Variants in DUS2 observed in about 807,000 individuals in gnomAD.
The protein encoded by DUS2 is dihydrouridine synthase 2, also known as tRNA-dihydrouridine(20) synthase [NAD(P)+]-like.
A neutral mutation model predicts 71.3 loss-of-function variants in DUS2; 52 were observed. The observed-to-expected ratio is 0.73, with a 90% confidence interval of 0.58 to 0.92. The LOEUF is 0.92. DUS2 is among the 40% of genes least tolerant of loss of function. DUS2 has a pLI of 0.00. For missense variants in DUS2, 558 were observed against 622.6 expected (o/e 0.90, Z 1.10); for synonymous variants, 204 against 227.8 (o/e 0.90, Z 0.94).
chr16:68,039,232 G>T (rs1043506773), intron 3 of DUS2, among the ~76,000 whole-genome samples: 1 of 151,978 alleles, frequency 6.6e-6, no homozygotes, highest in African/African-American at 2.4e-5. Context: ...TGTCAGGGAA[G>T]GCAAAAGTCA....
At chr16:68,042,280 G>T (rs2033636125) in intron 3 of DUS2, among the ~76,000 whole-genome samples, 1 of 152,096 alleles carries the variant, frequency 6.6e-6, no homozygotes, top group African/African-American at 2.4e-5. Flanking sequence ...TGGCCATTGG[G>T]TTGCTTCTAT....
intron 2 of DUS2, among the ~76,000 whole-genome samples, chr16:68,027,400 G>A (rs1377666279): frequency 2.0e-5 from 3 of 152,240 alleles, no homozygotes; most frequent in Middle Eastern, 6.8e-3. Flanking sequence ...CACCACACCC[G>A]GCTAATTTTG....
intron 4 of DUS2, among the ~76,000 whole-genome samples, 158 bp from the exon 5 acceptor site, chr16:68,053,406 C>G (rs2033808192): frequency 6.6e-6 from 1 of 152,218 alleles, no homozygotes; most frequent in Non-Finnish European, 1.5e-5. Flanking sequence ...ATCACAGAAG[C>G]CTCCCATGTG....
chr16:68,062,718 C>CAAAA (rs552579994), intron 8 of DUS2, among the ~76,000 whole-genome samples: 577 of 48,660 alleles, frequency 0.012, 17 homozygotes, highest in African/African-American at 0.045. Context: ...GACTCCGTCT[C>CAAAA]AAAAAAAAAA....
chr16:68,038,914 A>G (rs1008550009), intron 3 of DUS2, among the ~76,000 whole-genome samples: 6 of 151,216 alleles, frequency 4.0e-5, no homozygotes, highest in Non-Finnish European at 1.5e-5. Flanking sequence ...ATTAAAAAAA[A>G]TAAGCCTGGT....
intron 3 of DUS2, among the ~76,000 whole-genome samples, chr16:68,041,907 G>T (rs1768268908): frequency 6.7e-6 from 1 of 148,494 alleles, no homozygotes; most frequent in East Asian, 2.0e-4. Flanking sequence ...TTAACCATTT[G>T]TAAGTGTACT....
Position 68,035,921 on chromosome 16 carries a change from T to C in DUS2, c.-18-2085T>C, listed in dbSNP as rs931952807. ...ATATATATATATATATATATATATA[T>C]ATATATATACACACATACATACACA... On this transcript the variant is annotated intron_variant, in intron 2 of 16. Transcript: ENST00000565263. Among the ~76,000 whole-genome samples the C allele has an allele frequency of 9.2e-5, 9 of 97,860 alleles. No individual in the cohort carries two copies. In the South Asian group the frequency reaches 9.5e-4, roughly 10 times the overall value. The allele number at this position is 97,860 out of a possible 152,430, so 64.2% of individuals were successfully genotyped here.
chr16:68,053,579 T>C lies in DUS2; in HGVS notation c.188T>C (p.Val63Ala). The C allele has an allele frequency of 6.2e-7, 1 of 1,614,256 alleles. No homozygotes were observed. Among genetic ancestry groups the C allele is most frequent in the Non-Finnish European group, 8.5e-7 (1 of 1,180,044 alleles). Residue 63 changes from valine (V) to alanine (A), a missense_variant, in exon 5 of 17, where the codon GTG becomes GCG. Val to Ala is a moderately conservative substitution (Grantham distance 64, BLOSUM62 0). Transcript: ENST00000565263. ...TTTCTTGCAGAGGTGCTCAGCACAGTGGACTTTGTCGCCCCTGATGATCGA... is the reference window on the plus strand; with the variant it reads ...TTTCTTGCAGAGGTGCTCAGCACAGCGGACTTTGTCGCCCCTGATGATCGA... ...KRVVNEVLST[V>A]DFVAPDDRVV...
In DUS2 at chr16:68,023,305, G is replaced by A; in HGVS notation, c.-145G>A. On this transcript the variant is annotated 5_prime_UTR_variant, in exon 1 of 17. Transcript: ENST00000565263. ...GCTCAGTACGGTGTGTGGAGCTGGA[G>A]CACCGTGAGGAAGAAGCGAGGTTCT... The A allele has an allele frequency of 7.5e-7, 1 of 1,328,092 alleles. No homozygotes were observed. The highest frequency in any genetic ancestry group is 1.0e-6 in the Non-Finnish European group (1 of 981,262). 82.3% of individuals were successfully genotyped at this position (1,328,092 alleles called of 1,614,324 possible). A position where few individuals can be genotyped will look rare whatever the true frequency, so the allele number is the denominator to read the frequency against.
chr16:68,067,037 C>A (rs1164213853), intron 10 of DUS2, among the ~76,000 whole-genome samples: 1 of 108,346 alleles, frequency 9.2e-6, no homozygotes, highest in Non-Finnish European at 1.8e-5. Context: ...CTCCCTCCCT[C>A]CCTTCCTTCC....
chr16:68,066,610 C>T lies in DUS2; in HGVS notation c.528C>T (p.Gly176=). Reference sequence around the variant, plus strand: ...TTGTGAAGCGGATAGAGAGGACTGGCATTGCTGCCATCGCAGTTCATGGGA... The same window carrying T: ...TTGTGAAGCGGATAGAGAGGACTGGTATTGCTGCCATCGCAGTTCATGGGA... ...LSLVKRIERT[G]IAAIAVHGRK... The change falls in exon 10 of 17, where the codon GGC becomes GGT. Residue 176 remains glycine, a synonymous_variant. Coordinates refer to ENST00000565263, the MANE Select transcript of DUS2 (RefSeq NM_017803.5). The T allele has an allele frequency of 6.2e-7, 1 of 1,614,166 alleles. No individual in the cohort carries two copies. Among genetic ancestry groups the T allele is most frequent in the Non-Finnish European group, 8.5e-7 (1 of 1,179,992 alleles).
intron 3 of DUS2, among the ~76,000 whole-genome samples, chr16:68,041,793 A>G (rs781137106): frequency 7.4e-5 from 11 of 149,484 alleles, no homozygotes; most frequent in Non-Finnish European, 1.3e-4. Context: ...CTGGGTGACA[A>G]GAGCAAAACT....
chr16:68,027,300 A>G (rs1293579323), intron 2 of DUS2, among the ~76,000 whole-genome samples: 2 of 150,278 alleles, frequency 1.3e-5, no homozygotes, highest in East Asian at 1.9e-4. Context: ...GTGCAGTGGC[A>G]TGATCTCAGC....
chr16:68,063,659 C>T (rs1397425714), intron 8 of DUS2, among the ~76,000 whole-genome samples: 1 of 152,134 alleles, frequency 6.6e-6, no homozygotes, highest in Non-Finnish European at 1.5e-5. Flanking sequence ...GAGAAAGCTT[C>T]TACCAGGTAA....
intron 10 of DUS2, among the ~76,000 whole-genome samples, chr16:68,069,636 G>A (rs547401591): frequency 6.6e-6 from 1 of 152,180 alleles, no homozygotes; most frequent in South Asian, 2.1e-4. Context: ...TGGGTGCGGG[G>A]CCTACCCTGT....
chr16:68,053,411 C>T (rs1215075449), intron 4 of DUS2, among the ~76,000 whole-genome samples, 153 bp from the exon 5 acceptor site: 1 of 152,212 alleles, frequency 6.6e-6, no homozygotes, highest in East Asian at 1.9e-4. Context: ...AGAAGCCTCC[C>T]ATGTGCATAG....
chr16:68,070,202 C>G lies in DUS2; in HGVS notation c.623C>G (p.Ser208Cys), dbSNP rs1413030183. 5.6e-6 allele frequency: 9 copies of G among 1,614,158 alleles called. No homozygotes were observed. Among genetic ancestry groups the G allele is most frequent in the Non-Finnish European group, 7.6e-6 (9 of 1,180,002 alleles). The stretch of plus-strand genomic sequence containing the variant: ...ATCAAAGCCATTGCTGATACCCTCT[C>G]CATTCCTGTCATAGCCAAGTAAGCC... ...EVIKAIADTL[S>C]IPVIANGGSH... is the part of the protein sequence containing the mutation. Residue 208 changes from serine (S) to cysteine (C), a missense_variant, in exon 11 of 17, where the codon TCC (serine) becomes TGC (cysteine). Transcript: ENST00000565263.
In DUS2 at chr16:68,057,048, TTA is replaced by T. The variant is rs540768989; in HGVS notation, c.369+634_369+635del. ...ACATATAAATATATGTAATATATAT[TTA>T]TATATATATGTAATATATATGTTAT... On this transcript the variant is annotated intron_variant, in intron 7 of 16. Transcript: ENST00000565263. Among the ~76,000 whole-genome samples, 725 of 129,404 alleles carry T rather than the reference TTA, an allele frequency of 5.6e-3. 4 individuals carry two copies. The highest frequency in any genetic ancestry group is 0.012 in the Middle Eastern group (3 of 248). The allele number at this position is 129,404 out of a possible 152,430, so 84.9% of individuals were successfully genotyped here. A position where few individuals can be genotyped will look rare whatever the true frequency, so the allele number is the denominator to read the frequency against.
In DUS2 at chr16:68,034,460, C is replaced by T. The variant is rs564739494; in HGVS notation, c.-18-3546C>T. On this transcript the variant is annotated intron_variant, in intron 2 of 16. Transcript: ENST00000565263. Reference sequence around the variant, plus strand: ...GTTGAACTCATGGCCTCAAGCAATCCGCCCACCTCAGCCTCCCAAGTAACC... The same window carrying T: ...GTTGAACTCATGGCCTCAAGCAATCTGCCCACCTCAGCCTCCCAAGTAACC... Among the ~76,000 whole-genome samples the T allele has an allele frequency of 3.0e-3, 462 of 152,054 alleles. 1 individual carries two copies. The highest frequency in any genetic ancestry group is 0.011 in the African/African-American group (448 of 41,478).
Sources: allele counts gnomAD v4.1 joint callset (sites outside exome capture counted in the v4.1 genomes callset), GRCh38; gene constraint gnomAD v4.1.1; transcripts MANE v1.5; gene names NCBI Gene and HGNC (gene_info 2026-07-23, HGNC 2026-07-21).